The following DST variants were observed in gnomAD, a reference collection of about 807,000 sequenced individuals.
DST encodes the protein dystonin.
DST carries 253 observed loss-of-function variants against 875.2 expected under a neutral mutation model. That is an observed-to-expected ratio of 0.29 (90% CI 0.26 to 0.32). The LOEUF (loss-of-function observed/expected upper bound fraction) is 0.32. DST is among the 10% of genes least tolerant of loss of function. The probability of loss-of-function intolerance (pLI) is 1.00; values close to 1 mark genes in which losing one functional copy is unlikely to be tolerated. For missense variants in DST, 8,287 were observed against 9,111.6 expected (o/e 0.91, Z 3.68); for synonymous variants, 3,124 against 3,197.1 (o/e 0.98, Z 0.77).
At chr6:56,858,640 A>G (rs940642496) in intron 3 of DST, among the ~76,000 whole-genome samples, 1 of 152,200 alleles carries the variant, frequency 6.6e-6, no homozygotes, top group Non-Finnish European at 1.5e-5. Flanking sequence ...ATAATGCTGC[A>G]ATGACTATGG....
intron 4 of DST, among the ~76,000 whole-genome samples, chr6:56,784,457 T>C (rs1425929496): frequency 1.3e-5 from 2 of 152,200 alleles, no homozygotes; most frequent in Admixed American, 6.5e-5. Flanking sequence ...CTTCCCTTCT[T>C]GCTTCATTTC....
chr6:56,920,183 A>G (rs1274246789), intron 2 of DST, among the ~76,000 whole-genome samples: 2 of 152,206 alleles, frequency 1.3e-5, no homozygotes, highest in African/African-American at 4.8e-5. Context: ...CCAGTAACCA[A>G]GGGATCTAAG....
intron 4 of DST, among the ~76,000 whole-genome samples, chr6:56,850,442 G>T (rs1226058866): frequency 4.6e-5 from 7 of 151,174 alleles, no homozygotes; most frequent in Admixed American, 4.6e-4. Flanking sequence ...TGTGGAAAGG[G>T]ACCCCCAGAG....
Position 56,687,750 on chromosome 6 carries a change from T to C in DST, c.1047+11903A>G, listed in dbSNP as rs74531142. 6.2e-3 allele frequency among the ~76,000 whole-genome samples: 929 copies of C among 150,992 alleles called. 11 individuals are homozygous for C. Among genetic ancestry groups the C allele is most frequent in the African/African-American group, 0.022 (901 of 41,058 alleles). The stretch of plus-strand genomic sequence containing the variant: ...TTTAAACTATTTTGGCAGAAACAAA[T>C]GTAATCAACACATTTTTAGCTCTGC... On this transcript the variant is annotated intron_variant, in intron 9 of 103. Coordinates refer to ENST00000680361, the MANE Select transcript of DST (RefSeq NM_001374736.1).
chr6:56,760,916 C>G (rs2099615611), intron 4 of DST, among the ~76,000 whole-genome samples: 1 of 152,212 alleles, frequency 6.6e-6, no homozygotes, highest in Non-Finnish European at 1.5e-5. Context: ...GGTTTTAAAA[C>G]ATGTCCATAC....
At chr6:56,925,830 A>G (rs1183341650) in intron 2 of DST, among the ~76,000 whole-genome samples, 1 of 152,192 alleles carries the variant, frequency 6.6e-6, no homozygotes, top group African/African-American at 2.4e-5. Context: ...ATCCCTTATT[A>G]ATCCCTTTGA....
rs192916822 is a variant in DST at position 56,871,791 on chromosome 6, A to G, written c.418-20187T>C. On this transcript the variant is annotated intron_variant, in intron 3 of 103. Coordinates refer to ENST00000680361, the MANE Select transcript of DST (RefSeq NM_001374736.1). Reference sequence around the variant, plus strand: ...CAATTAAAAGTAAAAAAAAAAAAAAAAAAAGAAAAAGAAAAGAGGTGTGGC... The same window carrying G: ...CAATTAAAAGTAAAAAAAAAAAAAAGAAAAGAAAAAGAAAAGAGGTGTGGC... The G allele has an allele frequency of 5.5e-4, 186 of 336,494 alleles. 4 individuals are homozygous for G. The East Asian group carries it at 8.7e-3, about 16-fold the overall frequency. The allele number at this position is 336,494 out of a possible 1,614,324, so 20.8% of individuals were successfully genotyped here.
intron 4 of DST, among the ~76,000 whole-genome samples, chr6:56,846,402 C>T (rs1483705624): frequency 1.3e-5 from 2 of 152,192 alleles, no homozygotes; most frequent in Non-Finnish European, 1.5e-5. Flanking sequence ...CCTTCAATTC[C>T]AACTTCGAAG....
chr6:56,857,658 A>G (rs1178539811), intron 3 of DST, among the ~76,000 whole-genome samples: 1 of 152,242 alleles, frequency 6.6e-6, no homozygotes, highest in Admixed American at 6.5e-5. Flanking sequence ...ACAAAAACAG[A>G]AAATTTTTTC....
At chr6:56,707,559 T>C (rs1346952452) in intron 5 of DST, among the ~76,000 whole-genome samples, 1 of 152,176 alleles carries the variant, frequency 6.6e-6, no homozygotes, top group Non-Finnish European at 1.5e-5. Flanking sequence ...TCCAGGATTG[T>C]AATAGTGCTG....
intron 64 of DST, 98 bp from the exon 65 acceptor site, chr6:56,530,231 C>T (rs1031999551): frequency 4.7e-6 from 4 of 844,042 alleles, no homozygotes; most frequent in Non-Finnish European, 5.0e-6. Context: ...TAAACATTTT[C>T]TGTAGAAACT....
chr6:56,882,764 C>T (rs1027864276), intron 3 of DST, among the ~76,000 whole-genome samples: 12 of 152,214 alleles, frequency 7.9e-5, no homozygotes, highest in Non-Finnish European at 1.8e-4. Context: ...GGAATAAAAT[C>T]ATACTAAAAT....
chr6:56,913,635 T>C (rs976321374), intron 2 of DST, among the ~76,000 whole-genome samples: 2 of 152,244 alleles, frequency 1.3e-5, no homozygotes, highest in South Asian at 4.1e-4. Context: ...CCCTGCTCTA[T>C]AGCACCCTGT....
In DST at chr6:56,606,269, A is replaced by T; in HGVS notation, c.8359T>A (p.Ser2787Thr). 1 of 1,579,296 alleles carries T rather than the reference A, an allele frequency of 6.3e-7. No individual in the cohort carries two copies. Among genetic ancestry groups the T allele is most frequent in the Non-Finnish European group, 8.6e-7 (1 of 1,160,956 alleles). ...EFHSDTDHLD[S>T]MQSEESYGDY... ...CCATAACTTTCTTCACTTTGCATAG[A>T]ATCTAAATGATCAGTATCGGAGTGA... Residue 2787 changes from serine to threonine, a missense_variant, in exon 40 of 104, where the codon TCT (serine) becomes ACT (threonine). This residue lies in a region of DST where 3,138 missense variants were observed against 3,116.6 expected (regional missense o/e 1.01). Coordinates refer to ENST00000680361, the MANE Select transcript of DST (RefSeq NM_001374736.1).
intron 36 of DST, chr6:56,619,344 T>C (rs376894588): frequency 3.7e-6 from 6 of 1,613,464 alleles, no homozygotes; most frequent in Non-Finnish European, 5.1e-6. Flanking sequence ...TCATTACTTT[T>C]CTCCAATTCT....
chr6:56,617,118 G>A (rs2098634588), intron 36 of DST: 46 of 1,611,836 alleles, frequency 2.9e-5, no homozygotes, highest in Non-Finnish European at 3.8e-5. Context: ...TTAAGACCGA[G>A]TCGCAGCTGC....
intron 4 of DST, among the ~76,000 whole-genome samples, chr6:56,772,506 T>C (rs546752105): frequency 1.3e-5 from 2 of 152,340 alleles, no homozygotes; most frequent in South Asian, 2.1e-4. Context: ...CAAGTCATTA[T>C]CTTTCGGGAT....
chr6:56,803,178 C>T (rs1245568286), intron 4 of DST, among the ~76,000 whole-genome samples: 1 of 152,086 alleles, frequency 6.6e-6, no homozygotes, highest in East Asian at 1.9e-4. Flanking sequence ...ACTGGCAGAA[C>T]CAAAACTGTA....
intron 48 of DST, 147 bp downstream of exon 48, chr6:56,593,516 C>CAAAAAAAAAAAAAAAAAAAAAA (rs58251502): frequency 1.6e-5 from 5 of 319,360 alleles, no homozygotes; most frequent in African/African-American, 1.6e-4. Context: ...GACTCCTTCT[C>CAAAAAAAAAAAAAAAAAAAAAA]AAAAAAAAAA....
Sources: allele counts gnomAD v4.1 joint callset (sites outside exome capture counted in the v4.1 genomes callset), GRCh38; gene constraint gnomAD v4.1.1; regional missense constraint gnomAD v4.1.1; transcripts MANE v1.5; gene names NCBI Gene and HGNC (gene_info 2026-07-23, HGNC 2026-07-21).